CPNE8: variants seen among roughly 807,000 people sequenced by gnomAD.
CPNE8 encodes copine 8.
CPNE8 carries 45 observed loss-of-function variants against 81.5 expected under a neutral mutation model. That is an observed-to-expected ratio of 0.55 (90% confidence interval 0.44 to 0.71). The LOEUF is 0.71. Ranked by LOEUF, CPNE8 falls within the 30% of genes least tolerant of loss-of-function variation. CPNE8 has a pLI of 0.00. For missense variants in CPNE8, 594 were observed against 672.1 expected (o/e 0.88, Z 1.28); for synonymous variants, 252 against 226.3 (o/e 1.11, Z -1.02).
At chr12:38,749,018 G>A (rs982203972) in intron 10 of CPNE8, among the ~76,000 whole-genome samples, 1 of 152,106 alleles carries the variant, frequency 6.6e-6, no homozygotes, top group Non-Finnish European at 1.5e-5. Context: ...GTTTGGCTCT[G>A]TGTCCCCACC....
At chr12:38,880,242 G>C (rs1247707222) in intron 1 of CPNE8, among the ~76,000 whole-genome samples, 1 of 152,114 alleles carries the variant, frequency 6.6e-6, no homozygotes, top group Non-Finnish European at 1.5e-5. Context: ...AAATTATTAA[G>C]GGCCTTTTAT....
chr12:38,768,746 C>G (rs1941741972), intron 7 of CPNE8, among the ~76,000 whole-genome samples: 1 of 151,840 alleles, frequency 6.6e-6, no homozygotes. Flanking sequence ...CCATGATGGT[C>G]TCTATCTCCT....
chr12:38,712,243 T>C (rs1464647118), intron 13 of CPNE8, among the ~76,000 whole-genome samples: 1 of 151,220 alleles, frequency 6.6e-6, no homozygotes, highest in Non-Finnish European at 1.5e-5. Flanking sequence ...TCTTGCTCTG[T>C]TGCCAGGCTG....
intron 1 of CPNE8, among the ~76,000 whole-genome samples, chr12:38,884,734 G>T (rs917480121): frequency 2.0e-5 from 3 of 151,976 alleles, no homozygotes; most frequent in African/African-American, 7.3e-5. Flanking sequence ...GTGGTATGAA[G>T]TAGTCAATCC....
chr12:38,802,756 C>T (rs1263960855), intron 6 of CPNE8, among the ~76,000 whole-genome samples: 2 of 148,184 alleles, frequency 1.3e-5, no homozygotes, highest in Admixed American at 1.3e-4. Flanking sequence ...TGATAGACCG[C>T]TAGCAAGACT....
At chr12:38,759,498 T>A (rs1941531117) in intron 10 of CPNE8, among the ~76,000 whole-genome samples, 1 of 152,172 alleles carries the variant, frequency 6.6e-6, no homozygotes, top group South Asian at 2.1e-4. Flanking sequence ...AACTAAATAA[T>A]ACATTAACCA....
chr12:38,715,308 T>TG (rs1940358972), intron 13 of CPNE8, among the ~76,000 whole-genome samples: 1 of 152,112 alleles, frequency 6.6e-6, no homozygotes, highest in Non-Finnish European at 1.5e-5. Context: ...ACTAAGTATT[T>TG]GGATTAAGCA....
chr12:38,868,857 C>T (rs574647008), intron 3 of CPNE8, among the ~76,000 whole-genome samples: 19 of 152,148 alleles, frequency 1.2e-4, no homozygotes, highest in African/African-American at 2.4e-4. Flanking sequence ...TTATTTTATT[C>T]GTATGGTATA....
chr12:38,776,429 C>T (rs1039635462), intron 6 of CPNE8, 128 bp from the exon 7 acceptor site: 2 of 261,518 alleles, frequency 7.6e-6, no homozygotes, highest in Non-Finnish European at 1.4e-5. Flanking sequence ...TGGTTCTTCC[C>T]TAACAAATAT....
intron 10 of CPNE8, among the ~76,000 whole-genome samples, chr12:38,753,388 G>A (rs1377372557): frequency 6.6e-6 from 1 of 152,156 alleles, no homozygotes. Context: ...GGAAGCAGAG[G>A]TTGCAGTGAG....
At chr12:38,812,853 A>C (rs1390620698) in intron 6 of CPNE8, among the ~76,000 whole-genome samples, 2 of 152,212 alleles carry the variant, frequency 1.3e-5, no homozygotes, top group East Asian at 3.9e-4. Flanking sequence ...CTTACCGGAC[A>C]CTGTGCCTTG....
At chr12:38,675,673 T>C (rs1939271427) in intron 18 of CPNE8, 44 bp downstream of exon 18, 1 of 1,221,700 alleles carries the variant, frequency 8.2e-7, no homozygotes, top group Non-Finnish European at 1.2e-6. Context: ...TTACATTAGA[T>C]TAAATGAACT....
intron 4 of CPNE8, among the ~76,000 whole-genome samples, chr12:38,843,558 G>A (rs569960731): frequency 6.6e-6 from 1 of 152,036 alleles, no homozygotes; most frequent in Non-Finnish European, 1.5e-5. Context: ...GCAGCATCTG[G>A]TTCATCAGTA....
rs1001845032 is a variant in CPNE8, at chr12:38,723,805, G to T, written c.881C>A (p.Thr294Lys). ...AATGTAGTCAAGGAATGAAACTTCTGTTTCTACCAAGAAAGAGAGTAAAGT... is the reference window on the plus strand; with the variant it reads ...AATGTAGTCAAGGAATGAAACTTCTTTTTCTACCAAGAAAGAGAGTAAAGT... ...TVTLLSFLVE[T>K]EVSFLDYIKG... is the part of the protein sequence containing the mutation. The change falls in exon 13 of 20, where the codon ACA (threonine) becomes AAA (lysine). Residue 294 changes from threonine (T) to lysine (K), a missense_variant. Thr to Lys is a moderately conservative substitution (Grantham distance 78, BLOSUM62 -1). Coordinates refer to ENST00000331366, the MANE Select transcript of CPNE8 (RefSeq NM_153634.3). The T allele has an allele frequency of 6.3e-7, 1 of 1,589,320 alleles. No individual in the cohort carries two copies. Among genetic ancestry groups the T allele is most frequent in the Non-Finnish European group, 8.6e-7 (1 of 1,160,368 alleles).
intron 3 of CPNE8, among the ~76,000 whole-genome samples, chr12:38,852,053 A>T (rs1228137570): frequency 3.3e-5 from 5 of 152,122 alleles, no homozygotes; most frequent in Non-Finnish European, 7.4e-5. Context: ...ATCAATCTGA[A>T]ATAGGTGCTC....
intron 6 of CPNE8, among the ~76,000 whole-genome samples, chr12:38,806,484 AC>A (rs1230505511): frequency 6.7e-6 from 1 of 150,268 alleles, no homozygotes; most frequent in African/African-American, 2.4e-5. Flanking sequence ...GCATATAAAC[AC>A]AACCAAAGAC....
At chr12:38,819,489 C>T (rs1484223225) in intron 6 of CPNE8, among the ~76,000 whole-genome samples, 3 of 151,998 alleles carry the variant, frequency 2.0e-5, no homozygotes. Flanking sequence ...GAGATAGGGC[C>T]GGGCGCGGTG....
At chr12:38,832,585 T>A (rs1365629693) in intron 5 of CPNE8, among the ~76,000 whole-genome samples, 1 of 152,178 alleles carries the variant, frequency 6.6e-6, no homozygotes, top group African/African-American at 2.4e-5. Flanking sequence ...ATAGAAGACC[T>A]CGGCCTGTTG....
At chr12:38,775,102 C>T (rs978336135) in intron 7 of CPNE8, among the ~76,000 whole-genome samples, 5 of 151,976 alleles carry the variant, frequency 3.3e-5, no homozygotes, top group Non-Finnish European at 7.4e-5. Context: ...ATCTATTGAT[C>T]ATCTATCTAT....
Sources: allele counts gnomAD v4.1 joint callset (sites outside exome capture counted in the v4.1 genomes callset), GRCh38; gene constraint gnomAD v4.1.1; transcripts MANE v1.5; gene names NCBI Gene and HGNC (gene_info 2026-07-23, HGNC 2026-07-21).